Variants in PRKAR2B observed in about 807,000 individuals in gnomAD.
PRKAR2B encodes the protein cAMP-dependent protein kinase type II-beta regulatory subunit.
In PRKAR2B, 14 loss-of-function variants were observed where a neutral mutation model predicts 49.9. That is an observed-to-expected ratio of 0.28 (90% CI 0.19 to 0.44). The LOEUF (loss-of-function observed/expected upper bound fraction) is 0.44, where lower values mean the gene tolerates loss of function less well. PRKAR2B is among the 20% of genes least tolerant of loss of function. The pLI, the probability that PRKAR2B is intolerant of heterozygous loss-of-function variation, is 1.00. For synonymous variants in PRKAR2B, 196 were observed against 197.7 expected, an observed-to-expected ratio of 0.99 and a Z score of 0.07; for missense variants, 393 against 537.9, an observed-to-expected ratio of 0.73 and a Z score of 2.67.
chr7:107,059,038 C>T (rs1326291370), intron 1 of PRKAR2B, among the ~76,000 whole-genome samples: 1 of 152,106 alleles, frequency 6.6e-6, no homozygotes, highest in Non-Finnish European at 1.5e-5. Context: ...GTATTCCCAG[C>T]CCTTTGGGGG....
chr7:107,149,342 G>T (rs910371089), intron 6 of PRKAR2B, among the ~76,000 whole-genome samples: 1 of 152,122 alleles, frequency 6.6e-6, no homozygotes, highest in East Asian at 1.9e-4. Flanking sequence ...TCCTTTTGGG[G>T]TGCTATGACA....
chr7:107,090,851 A>G (rs1246584503), intron 2 of PRKAR2B, among the ~76,000 whole-genome samples: 1 of 152,234 alleles, frequency 6.6e-6, no homozygotes, highest in Non-Finnish European at 1.5e-5. Context: ...GGAAATAACA[A>G]TACTAGACAA....
chr7:107,145,323 A>G (rs1424406896), intron 5 of PRKAR2B, among the ~76,000 whole-genome samples: 2 of 152,258 alleles, frequency 1.3e-5, no homozygotes, highest in African/African-American at 2.4e-5. Flanking sequence ...TTTGTGGGCT[A>G]TAGTTTGCCA....
intron 2 of PRKAR2B, among the ~76,000 whole-genome samples, chr7:107,100,882 C>G (rs993267376): frequency 6.9e-6 from 1 of 145,062 alleles, no homozygotes; most frequent in Non-Finnish European, 1.5e-5. Context: ...CGTTTTTACT[C>G]TTTGATTGAT....
chr7:107,107,423 A>G (rs1352673968), intron 2 of PRKAR2B, among the ~76,000 whole-genome samples: 1 of 152,094 alleles, frequency 6.6e-6, no homozygotes, highest in Non-Finnish European at 1.5e-5. Flanking sequence ...AAAGAAAATT[A>G]GTTTCTTTTT....
chr7:107,132,675 C>T (rs981554400), intron 4 of PRKAR2B, among the ~76,000 whole-genome samples: 7 of 152,036 alleles, frequency 4.6e-5, no homozygotes, highest in South Asian at 2.1e-4. Context: ...GGAGTGACTG[C>T]GAAGTTGCCA....
At chr7:107,114,050 TAA>T in intron 2 of PRKAR2B, among the ~76,000 whole-genome samples, 2 of 152,302 alleles carry the variant, frequency 1.3e-5, no homozygotes, top group Middle Eastern at 6.8e-3. Flanking sequence ...ATGCTATAAA[TAA>T]GTCAGTTATT....
intron 10 of PRKAR2B, among the ~76,000 whole-genome samples, chr7:107,158,592 A>G (rs181356623): frequency 3.3e-5 from 5 of 152,136 alleles, no homozygotes; most frequent in Non-Finnish European, 5.9e-5. Context: ...TTTGGCTCCA[A>G]CTTTTTTGTG....
Position 107,089,787 on chromosome 7 carries a change from A to G in PRKAR2B, c.343+19471A>G, listed in dbSNP as rs537421026. On this transcript the variant is annotated intron_variant, in intron 2 of 10. Transcript: ENST00000265717. Reference sequence around the variant, plus strand: ...GAGAATAACTTCAGTTTTGCAGACTATCATTTACATTCTCTACTAGCACAG... The same window carrying G: ...GAGAATAACTTCAGTTTTGCAGACTGTCATTTACATTCTCTACTAGCACAG... Among the ~76,000 whole-genome samples the G allele has an allele frequency of 4.6e-5, 7 of 152,356 alleles. No homozygotes were observed. The South Asian group carries it at 1.2e-3, about 27-fold the overall frequency.
At chr7:107,081,424 T>C (rs1290110356) in intron 2 of PRKAR2B, among the ~76,000 whole-genome samples, 5 of 110,790 alleles carry the variant, frequency 4.5e-5, no homozygotes, top group African/African-American at 1.8e-4. Flanking sequence ...CCCATCAGCA[T>C]CTTGACCCAG....
intron 1 of PRKAR2B, 29 bp downstream of exon 1, chr7:107,045,243 C>G (rs1415107668): frequency 7.1e-7 from 1 of 1,399,560 alleles, no homozygotes. Context: ...ACTTCGCGCC[C>G]CCGGATCCCC....
intron 7 of PRKAR2B, among the ~76,000 whole-genome samples, chr7:107,151,459 T>C (rs1795986352): frequency 6.6e-6 from 1 of 152,254 alleles, no homozygotes; most frequent in South Asian, 2.1e-4. Flanking sequence ...CCTTGGCCTC[T>C]TCTCTTTTCA....
intron 1 of PRKAR2B, among the ~76,000 whole-genome samples, chr7:107,049,157 T>A (rs1232141627): frequency 6.6e-6 from 1 of 152,212 alleles, no homozygotes; most frequent in Non-Finnish European, 1.5e-5. Context: ...TGTTGCCCCA[T>A]AATTTCTTCA....
intron 1 of PRKAR2B, among the ~76,000 whole-genome samples, chr7:107,065,225 A>G (rs1269688910): frequency 1.3e-5 from 2 of 152,212 alleles, no homozygotes; most frequent in African/African-American, 4.8e-5. Context: ...CACTTAGGGT[A>G]TACGAACACT....
In PRKAR2B at chr7:107,150,985, A is replaced by G. The variant is rs1237712646; in HGVS notation, c.805A>G (p.Ser269Gly). 1 of 1,595,794 alleles carries G rather than the reference A, an allele frequency of 6.3e-7. No homozygotes were observed. The highest frequency in any genetic ancestry group is 8.5e-7 in the Non-Finnish European group (1 of 1,171,694). ...TGCCAAAAAGAGAAAAATGTATGAA[A>G]GCTTTATTGAGTCACTGCCATTCCT... ...NNAKKRKMYE[S>G]FIESLPFLKS... Residue 269 changes from serine (S) to glycine (G), a missense_variant, in exon 7 of 11, where the codon AGC (serine) becomes GGC (glycine). Transcript: ENST00000265717.
intron 1 of PRKAR2B, among the ~76,000 whole-genome samples, chr7:107,048,554 A>G (rs1477215279): frequency 6.6e-6 from 1 of 152,182 alleles, no homozygotes; most frequent in East Asian, 1.9e-4. Flanking sequence ...ACGTAGGACA[A>G]ACGTAGGGAT....
chr7:107,059,212 C>T (rs1314281636), intron 1 of PRKAR2B, among the ~76,000 whole-genome samples: 1 of 152,096 alleles, frequency 6.6e-6, no homozygotes, highest in African/African-American at 2.4e-5. Context: ...CGCTTGAACC[C>T]AGGAGGCCAA....
rs143063769 is a variant in PRKAR2B, at chr7:107,048,814, T to A, written c.307+3600T>A. Among the ~76,000 whole-genome samples, 344 of 152,292 alleles carry A rather than the reference T, an allele frequency of 2.3e-3. 10 individuals carry two copies. The highest frequency in any genetic ancestry group is 0.019 in the Admixed American group (296 of 15,300). On this transcript the variant is annotated intron_variant, in intron 1 of 10. Transcript: ENST00000265717. ...CCTATTCTCTTCCAGTCTTATAAATTCTAATTGTTACTTTCCATTTGCTAT... is the reference window on the plus strand; with the variant it reads ...CCTATTCTCTTCCAGTCTTATAAATACTAATTGTTACTTTCCATTTGCTAT...
chr7:107,134,575 A>C (rs923520567), intron 4 of PRKAR2B, among the ~76,000 whole-genome samples: 14 of 152,228 alleles, frequency 9.2e-5, no homozygotes, highest in African/African-American at 3.4e-4. Context: ...CAGGATTCAC[A>C]TTTCCTAATT....
Sources: allele counts gnomAD v4.1 joint callset (sites outside exome capture counted in the v4.1 genomes callset), GRCh38; gene constraint gnomAD v4.1.1; transcripts MANE v1.5; gene names NCBI Gene and HGNC (gene_info 2026-07-23, HGNC 2026-07-21).